Variants in ZNF469 observed in about 807,000 individuals in gnomAD.
ZNF469 encodes zinc finger protein 469.
A neutral mutation model predicts 1.0 loss-of-function variants in ZNF469; 1 was observed. The ratio of observed to expected loss-of-function variants is 1.00; its 90% CI spans 0.35 to 4.73. The LOEUF is 4.73. Among genes scored for constraint, ZNF469 ranks in the 30% most tolerant of loss-of-function variants. The probability of loss-of-function intolerance (pLI) is 0.16; values close to 1 mark genes in which losing one functional copy is unlikely to be tolerated. For missense variants in ZNF469, 6,100 were observed against 5,356.3 expected (o/e 1.14, Z -4.33); for synonymous variants, 2,703 against 2,363.4 (o/e 1.14, Z -4.17).
the ZNF469 span, among the ~76,000 whole-genome samples, chr16:88,157,559 C>T: frequency 6.6e-6 from 1 of 152,232 alleles, no homozygotes; most frequent in Non-Finnish European, 1.5e-5. Context: ...CCCTCCGCCA[C>T]CCCCTCCCAA....
chr16:88,320,417 T>G, the ZNF469 span, among the ~76,000 whole-genome samples: 1 of 152,200 alleles, frequency 6.6e-6, no homozygotes, highest in Admixed American at 6.5e-5. Context: ...AGAATCTTGC[T>G]CTGTCGCCCA....
At chr16:88,331,453 CACCATCATCACT>C in the ZNF469 span, among the ~76,000 whole-genome samples, 7 of 151,796 alleles carry the variant, frequency 4.6e-5, no homozygotes, top group African/African-American at 1.7e-4. Flanking sequence ...TCATAATCAC[CACCATCATCACT>C]ACCACCATCA....
At chr16:88,369,796 C>A in the ZNF469 span, among the ~76,000 whole-genome samples, 5 of 152,188 alleles carry the variant, frequency 3.3e-5, no homozygotes, top group African/African-American at 1.2e-4. Flanking sequence ...GCTGTTCATG[C>A]CACAGAGGCC....
chr16:88,357,632 G>A, the ZNF469 span, among the ~76,000 whole-genome samples: 4 of 152,332 alleles, frequency 2.6e-5, no homozygotes, highest in Non-Finnish European at 5.9e-5. Context: ...GAAGAGGGGG[G>A]GCCCGGGCTT....
At chr16:88,320,445 A>G in the ZNF469 span, among the ~76,000 whole-genome samples, 5 of 152,122 alleles carry the variant, frequency 3.3e-5, no homozygotes, top group Admixed American at 3.3e-4. Context: ...GTGCAATGGC[A>G]TGATGTGAGC....
the ZNF469 span, among the ~76,000 whole-genome samples, chr16:88,342,635 A>G: frequency 6.6e-6 from 1 of 152,138 alleles, no homozygotes; most frequent in African/African-American, 2.4e-5. Flanking sequence ...GGCGGCTCTG[A>G]GCAGTGAGCC....
At chr16:88,372,755 A>G in the ZNF469 span, among the ~76,000 whole-genome samples, 1 of 148,952 alleles carries the variant, frequency 6.7e-6, no homozygotes, top group Admixed American at 6.7e-5. Context: ...CATCATCACC[A>G]TCTTTACCAT....
the ZNF469 span, among the ~76,000 whole-genome samples, chr16:88,256,835 C>T: frequency 1.3e-5 from 2 of 150,138 alleles, no homozygotes; most frequent in South Asian, 4.3e-4. Flanking sequence ...TTTCTTTCTT[C>T]CTTCCTTCCT....
chr16:88,389,042 C>T (rs80185090), intron 1 of ZNF469, among the ~76,000 whole-genome samples: 6,152 of 152,346 alleles, frequency 0.04, 167 homozygotes, highest in Middle Eastern at 0.068. Context: ...GTCACATAAC[C>T]GCTCTCCTAC....
chr16:88,255,904 G>A, the ZNF469 span, among the ~76,000 whole-genome samples: 2 of 152,216 alleles, frequency 1.3e-5, no homozygotes, highest in Non-Finnish European at 2.9e-5. Flanking sequence ...GGTTACGGAA[G>A]GGTTTGTCTT....
At chr16:88,300,513 C>T in the ZNF469 span, among the ~76,000 whole-genome samples, 6 of 151,906 alleles carry the variant, frequency 3.9e-5, no homozygotes, top group Non-Finnish European at 2.9e-5. Context: ...CATACTCTAT[C>T]CTAAGCCAGA....
chr16:88,376,578 T>C, the ZNF469 span, among the ~76,000 whole-genome samples: 10 of 152,314 alleles, frequency 6.6e-5, no homozygotes, highest in South Asian at 2.1e-3. Flanking sequence ...GGCCGGCCGG[T>C]CTCCACCGCC....
the ZNF469 span, among the ~76,000 whole-genome samples, chr16:88,246,773 G>C: frequency 6.6e-6 from 1 of 152,024 alleles, no homozygotes; most frequent in East Asian, 1.9e-4. Context: ...GAGTGAATCA[G>C]TGAGTGAGTG....
Position 88,432,339 on chromosome 16 carries a change from G to A in ZNF469, c.4869G>A (p.Ser1623=), listed in dbSNP as rs768092775. 7.2e-5 allele frequency: 112 copies of A among 1,548,194 alleles called. No individual in the cohort carries two copies. Among genetic ancestry groups the A allele is most frequent in the Middle Eastern group, 3.3e-4 (2 of 6,012 alleles). Reference sequence around the variant, plus strand: ...CCGTGCCCCACGAGGACACGTTCTCGGCAGCTGACCTCACGCGCGTTGGAG... The same window carrying A: ...CCGTGCCCCACGAGGACACGTTCTCAGCAGCTGACCTCACGCGCGTTGGAG... The part of the protein sequence containing the change: ...QATVPHEDTF[S]AADLTRVGES... The change falls in exon 3 of 3, where the codon TCG becomes TCA. Residue 1623 remains serine (S), a synonymous_variant. Coordinates refer to ENST00000565624, the MANE Select transcript of ZNF469 (RefSeq NM_001367624.2).
the ZNF469 span, among the ~76,000 whole-genome samples, chr16:88,307,128 T>C: frequency 7.2e-5 from 11 of 152,360 alleles, no homozygotes; most frequent in Non-Finnish European, 1.3e-4. Flanking sequence ...CTGGTGTCTT[T>C]TACTCAGCAT....
chr16:88,139,322 C>A, the ZNF469 span, among the ~76,000 whole-genome samples: 2 of 151,636 alleles, frequency 1.3e-5, no homozygotes, highest in African/African-American at 2.4e-5. Flanking sequence ...GGATCTGAAA[C>A]CTTTTTGCCC....
chr16:88,418,712 T>C (rs980464032), intron 1 of ZNF469, among the ~76,000 whole-genome samples: 1 of 152,160 alleles, frequency 6.6e-6, no homozygotes, highest in Non-Finnish European at 1.5e-5. Flanking sequence ...CCCAAAGTAA[T>C]TAAGATAAAT....
the ZNF469 span, among the ~76,000 whole-genome samples, chr16:88,137,297 G>C: frequency 6.6e-6 from 1 of 152,250 alleles, no homozygotes; most frequent in Non-Finnish European, 1.5e-5. Flanking sequence ...GCATACAGCT[G>C]TGCGTACATA....
chr16:88,247,442 AAGTG>A, the ZNF469 span, among the ~76,000 whole-genome samples: 2 of 140,472 alleles, frequency 1.4e-5, no homozygotes, highest in Admixed American at 7.1e-5. Context: ...ATGAGTGAAT[AAGTG>A]AGTGAATGAG....
Sources: allele counts gnomAD v4.1 joint callset (sites outside exome capture counted in the v4.1 genomes callset), GRCh38; gene constraint gnomAD v4.1.1; transcripts MANE v1.5; gene names NCBI Gene and HGNC (gene_info 2026-07-23, HGNC 2026-07-21).